SLC24A1: variants seen among roughly 807,000 people sequenced by gnomAD.
SLC24A1 encodes sodium/potassium/calcium exchanger 1.
In SLC24A1, 52 loss-of-function variants were observed where a neutral mutation model predicts 88.1. That is an observed-to-expected ratio of 0.59 (90% CI 0.47 to 0.74). The LOEUF is 0.74. SLC24A1 is among the 30% of genes least tolerant of loss of function. The pLI is 0.00. For missense variants in SLC24A1, 1,173 were observed against 1,363.3 expected (o/e 0.86, Z 2.20); for synonymous variants, 455 against 498.0 (o/e 0.91, Z 1.15).
rs1596359502 is a variant in SLC24A1, at chr15:65,655,217, A to G, written c.*1138A>G. Reference sequence around the variant, plus strand: ...GTGGAGTGGGAAGGGAAGTCATTCTAAAGAGTCCAAAGTCAGTAGCGCCAC... The same window carrying G: ...GTGGAGTGGGAAGGGAAGTCATTCTGAAGAGTCCAAAGTCAGTAGCGCCAC... On this transcript the variant is annotated 3_prime_UTR_variant, in exon 10 of 10. Transcript: ENST00000261892. 1.0e-6 allele frequency: 1 copy of G among 986,760 alleles called. No individual in the cohort carries two copies. Among genetic ancestry groups the G allele is most frequent in the Non-Finnish European group, 1.2e-6 (1 of 830,846 alleles). The allele number at this position is 986,760 out of a possible 1,614,324, so 61.1% of individuals were successfully genotyped here.
chr15:65,613,513 G>A (rs754198414), intron 2 of SLC24A1, among the ~76,000 whole-genome samples: 5 of 139,764 alleles, frequency 3.6e-5, no homozygotes, highest in Admixed American at 6.9e-5. Context: ...TGGTGACAGG[G>A]TCTTTGTCAC....
At chr15:65,611,509 T>C in exon 1 of SLC24A1, 1 of 379,464 alleles carries the variant, frequency 2.6e-6, no homozygotes, top group Non-Finnish European at 4.9e-6. Context: ...CTTCACACTT[T>C]TGTCCCCTCA....
chr15:65,645,066 C>A (rs1362386398), intron 5 of SLC24A1, among the ~76,000 whole-genome samples: 1 of 152,168 alleles, frequency 6.6e-6, no homozygotes, highest in African/African-American at 2.4e-5. Flanking sequence ...CCCAGCAACC[C>A]CTGGATGGAG....
At position 65,652,906 on chromosome 15, in the gene SLC24A1, G is replaced by T. The variant is rs2075553697; in HGVS notation, c.3050+98G>T. On this transcript the variant is annotated intron_variant, in intron 9 of 9. Coordinates refer to ENST00000261892, the MANE Select transcript of SLC24A1 (RefSeq NM_004727.3). The stretch of plus-strand genomic sequence containing the variant: ...TTTTCTGCTTTATTCATTATACATA[G>T]AATAAAAGGGCATTTATATTGTTAG... The T allele has an allele frequency of 3.2e-6, 3 of 928,896 alleles. No individual in the cohort carries two copies. In the East Asian group the frequency reaches 8.0e-5, roughly 25 times the overall value. The allele number at this position is 928,896 out of a possible 1,614,324, so 57.5% of individuals were successfully genotyped here. A position where few individuals can be genotyped will look rare whatever the true frequency, so the allele number is the denominator to read the frequency against.
At chr15:65,640,771 A>T (rs367965609) in intron 4 of SLC24A1, among the ~76,000 whole-genome samples, 152 of 152,316 alleles carry the variant, frequency 1.0e-3, no homozygotes, top group African/African-American at 3.5e-3. Flanking sequence ...TTTAAAAAAA[A>T]ATACCAGCCA....
chr15:65,636,860 AAATAATAAT>A (rs59545207), intron 2 of SLC24A1, among the ~76,000 whole-genome samples: 57 of 143,324 alleles, frequency 4.0e-4, no homozygotes, highest in Middle Eastern at 7.2e-3. Flanking sequence ...CTCTGTCTCA[AAATAATAAT>A]AATAATAATA....
At chr15:65,653,033 T>A (rs2075556345) in intron 9 of SLC24A1, 1 of 378,852 alleles carries the variant, frequency 2.6e-6, no homozygotes, top group Non-Finnish European at 4.7e-6. Context: ...AATTTACAGA[T>A]AAATTGAAAA....
In SLC24A1 at chr15:65,652,672, A is replaced by T. The variant is rs1403899964; in HGVS notation, c.2914A>T (p.Ile972Phe). 6.2e-7 allele frequency: 1 copy of T among 1,613,976 alleles called. No homozygotes were observed. The highest frequency in any genetic ancestry group is 8.5e-7 in the Non-Finnish European group (1 of 1,179,886). ...VGETIGISEE[I>F]MGLTILAAGT... ...TGAAACAATAGGGATTTCTGAAGAG[A>T]TCATGGGCCTGACAATCCTTGCAGC... The change falls in exon 9 of 10, where the codon ATC (isoleucine) becomes TTC (phenylalanine). Residue 972 changes from isoleucine (I) to phenylalanine (F), a missense_variant. By Grantham distance (21) the Ile-to-Phe change is conservative. Transcript: ENST00000261892.
intron 2 of SLC24A1, among the ~76,000 whole-genome samples, chr15:65,629,505 TG>T: frequency 6.6e-6 from 1 of 152,372 alleles, no homozygotes; most frequent in East Asian, 1.9e-4. Context: ...GGTAAATGTT[TG>T]CATAGTTATC....
rs1247482623 is a variant in SLC24A1 at position 65,654,854 on chromosome 15, T to C, written c.*775T>C. On this transcript the variant is annotated 3_prime_UTR_variant, in exon 10 of 10. Coordinates refer to ENST00000261892, the MANE Select transcript of SLC24A1 (RefSeq NM_004727.3). ...AAGTCGTGATCTGCCCGCCTCGGCC[T>C]CCCAAAGTGCTGGGATTACAGGCGT... is the stretch of plus-strand genomic sequence containing the variant. 2.2e-5 allele frequency: 25 copies of C among 1,118,774 alleles called. No individual in the cohort carries two copies. Among genetic ancestry groups the C allele is most frequent in the Non-Finnish European group, 2.9e-5 (25 of 873,610 alleles). The allele number at this position is 1,118,774 out of a possible 1,614,324, so 69.3% of individuals were successfully genotyped here.
At chr15:65,614,505 G>A (rs899954315) in intron 2 of SLC24A1, among the ~76,000 whole-genome samples, 1 of 152,184 alleles carries the variant, frequency 6.6e-6, no homozygotes, top group African/African-American at 2.4e-5. Flanking sequence ...TATCTCAGAA[G>A]TCTCTTTTAA....
Position 65,654,636 on chromosome 15 carries a change from G to C in SLC24A1, c.*557G>C. 2.4e-6 allele frequency: 3 copies of C among 1,263,932 alleles called. No homozygotes were observed. The highest frequency in any genetic ancestry group is 2.0e-6 in the Non-Finnish European group (2 of 980,660). 78.3% of individuals were successfully genotyped at this position (1,263,932 alleles called of 1,614,324 possible). A position where few individuals can be genotyped will look rare whatever the true frequency, so the allele number is the denominator to read the frequency against. On this transcript the variant is annotated 3_prime_UTR_variant, in exon 10 of 10. Coordinates refer to ENST00000261892, the MANE Select transcript of SLC24A1 (RefSeq NM_004727.3). ...AGGATCCAAGGCTACAGAAAAAAAA[G>C]AAATATAACAGGAATTAATGATCAT...
chr15:65,655,577 A>G lies in SLC24A1; in HGVS notation c.*1498A>G, dbSNP rs1021413971. On this transcript the variant is annotated 3_prime_UTR_variant, in exon 10 of 10. Transcript: ENST00000261892. ...GACACGTTAGAAATAGAACAGCTTA[A>G]TATCACTGGCTTCAGAGCAAAATGA... 3.0e-6 allele frequency: 3 copies of G among 985,444 alleles called. No individual in the cohort carries two copies. Among genetic ancestry groups the G allele is most frequent in the Admixed American group, 1.2e-4 (2 of 16,288 alleles). The allele number at this position is 985,444 out of a possible 1,614,324, so 61.0% of individuals were successfully genotyped here. A position where few individuals can be genotyped will look rare whatever the true frequency, so the allele number is the denominator to read the frequency against.
At chr15:65,641,150 G>A (rs183499417) in intron 4 of SLC24A1, among the ~76,000 whole-genome samples, 9 of 152,134 alleles carry the variant, frequency 5.9e-5, no homozygotes, top group South Asian at 2.1e-4. Context: ...CAAGGTGGGC[G>A]GATCACGAGG....
chr15:65,652,981 G>A, intron 9 of SLC24A1, 173 bp downstream of exon 9: 1 of 481,692 alleles, frequency 2.1e-6, no homozygotes, highest in African/African-American at 2.0e-5. Context: ...TAGCCAGATG[G>A]GATAATAGAC....
At chr15:65,629,484 A>G (rs1219155202) in intron 2 of SLC24A1, among the ~76,000 whole-genome samples, 1 of 152,242 alleles carries the variant, frequency 6.6e-6, no homozygotes, top group Non-Finnish European at 1.5e-5. Flanking sequence ...TTATGACCCC[A>G]GTAAGGAAAT....
chr15:65,635,477 A>G (rs112708145), intron 2 of SLC24A1, among the ~76,000 whole-genome samples: 4,352 of 142,812 alleles, frequency 0.03, 56 homozygotes, highest in African/African-American at 0.044. Flanking sequence ...AAAAGAAAAA[A>G]AAAGAAAGAA....
chr15:65,634,740 CAA>C (rs5813364), intron 2 of SLC24A1, among the ~76,000 whole-genome samples: 1,924 of 90,498 alleles, frequency 0.021, 46 homozygotes, highest in African/African-American at 0.073. Context: ...TCAAAAGCAC[CAA>C]AAAAAAAAAA....
At chr15:65,638,105 G>A (rs935707235) in intron 2 of SLC24A1, 23 bp from the exon 3 acceptor site, 9 of 1,589,298 alleles carry the variant, frequency 5.7e-6, no homozygotes, top group African/African-American at 1.3e-5. Flanking sequence ...ACAACATCTC[G>A]TGACTCCTCT....
Sources: gnomAD v4.1 joint callset for allele counts (sites outside exome capture counted in the v4.1 genomes callset) on GRCh38, gnomAD v4.1.1 for gene constraint, MANE v1.5 for transcripts, NCBI Gene and HGNC (gene_info 2026-07-23, HGNC 2026-07-21) for gene names.